Variants in SLC10A7 observed in about 807,000 individuals in gnomAD.
SLC10A7 encodes solute carrier family 10 member 7, also known as sodium/bile acid cotransporter 7.
SLC10A7 carries 29 observed loss-of-function variants against 43.2 expected under a neutral mutation model. That is an observed-to-expected ratio of 0.67 (90% CI 0.50 to 0.92). SLC10A7 has a LOEUF of 0.92. Among genes scored for constraint, SLC10A7 ranks in the 40% least tolerant of loss-of-function variants. The probability of loss-of-function intolerance (pLI) is 0.00; values close to 1 mark genes in which losing one functional copy is unlikely to be tolerated. For missense variants in SLC10A7, 295 were observed against 403.2 expected, an observed-to-expected ratio of 0.73 and a Z score of 2.30; for synonymous variants, 152 against 144.8, an observed-to-expected ratio of 1.05 and a Z score of -0.35.
intron 5 of SLC10A7, among the ~76,000 whole-genome samples, chr4:146,346,097 T>A (rs1292924998): frequency 6.6e-6 from 1 of 152,140 alleles, no homozygotes; most frequent in Non-Finnish European, 1.5e-5. Flanking sequence ...TGAAAAAGCA[T>A]TTATGGGCCC....
chr4:146,447,728 T>C (rs1731229288), intron 4 of SLC10A7, among the ~76,000 whole-genome samples: 1 of 152,040 alleles, frequency 6.6e-6, no homozygotes, highest in African/African-American at 2.4e-5. Context: ...ACTTCCTTTA[T>C]ATTACACATT....
chr4:146,482,390 T>C (rs908952102), intron 4 of SLC10A7, among the ~76,000 whole-genome samples: 8 of 152,132 alleles, frequency 5.3e-5, no homozygotes, highest in Non-Finnish European at 1.0e-4. Context: ...TAATTCATGA[T>C]CTGAATAACA....
At chr4:146,349,027 A>C (rs946020852) in intron 5 of SLC10A7, among the ~76,000 whole-genome samples, 2 of 152,222 alleles carry the variant, frequency 1.3e-5, no homozygotes, top group African/African-American at 2.4e-5. Flanking sequence ...CTGATCATTC[A>C]CTGAGAGTGT....
chr4:146,406,519 T>C (rs1194680431), intron 5 of SLC10A7, among the ~76,000 whole-genome samples: 3 of 152,138 alleles, frequency 2.0e-5, no homozygotes, highest in Non-Finnish European at 4.4e-5. Flanking sequence ...CCTTGCCATG[T>C]CCTGAAAGCT....
chr4:146,492,108 T>C (rs1373980850), intron 4 of SLC10A7, among the ~76,000 whole-genome samples: 1 of 151,494 alleles, frequency 6.6e-6, no homozygotes, highest in Non-Finnish European at 1.5e-5. Context: ...TAGTCCCAGC[T>C]ACTTGGGAGG....
At chr4:146,518,285 A>G (rs773990718) in intron 1 of SLC10A7, among the ~76,000 whole-genome samples, 9 of 152,214 alleles carry the variant, frequency 5.9e-5, no homozygotes, top group Non-Finnish European at 1.3e-4. Flanking sequence ...CTTACCCTCC[A>G]TGGACATTTG....
intron 9 of SLC10A7, among the ~76,000 whole-genome samples, chr4:146,286,270 C>T (rs1729931242): frequency 1.2e-5 from 1 of 80,648 alleles, no homozygotes; most frequent in East Asian, 3.7e-4. Context: ...GTGAGAAGGA[C>T]CGTGTTTGGA....
chr4:146,402,150 C>CT (rs1287827818), intron 5 of SLC10A7, among the ~76,000 whole-genome samples: 1 of 151,850 alleles, frequency 6.6e-6, no homozygotes, highest in Non-Finnish European at 1.5e-5. Flanking sequence ...ATTTTAGGCT[C>CT]TTTCAGTGGA....
chr4:146,332,933 A>C (rs1733634732), intron 5 of SLC10A7, among the ~76,000 whole-genome samples: 1 of 152,142 alleles, frequency 6.6e-6, no homozygotes, highest in African/African-American at 2.4e-5. Context: ...CCATTAAAGC[A>C]ATGTCACTCA....
intron 5 of SLC10A7, among the ~76,000 whole-genome samples, chr4:146,357,914 G>C (rs1007224814): frequency 6.6e-6 from 1 of 151,980 alleles, no homozygotes; most frequent in African/African-American, 2.4e-5. Flanking sequence ...AAAGAGAAAA[G>C]GACTTGAGTC....
At chr4:146,337,136 G>A (rs1223223394) in intron 5 of SLC10A7, among the ~76,000 whole-genome samples, 2 of 151,978 alleles carry the variant, frequency 1.3e-5, no homozygotes. Flanking sequence ...CTAAGTTTTA[G>A]ATTTAACAGG....
chr4:146,452,741 A>G (rs774686940), intron 4 of SLC10A7, among the ~76,000 whole-genome samples: 15 of 152,112 alleles, frequency 9.9e-5, no homozygotes, highest in Admixed American at 2.0e-4. Flanking sequence ...CAAAATGCGG[A>G]TTTATACACT....
At chr4:146,477,807 C>T (rs1474924039) in intron 4 of SLC10A7, 1 of 152,120 alleles carries the variant, frequency 6.6e-6, no homozygotes, top group Non-Finnish European at 1.5e-5. Context: ...TTAAGAATAG[C>T]TTTTTGTACA....
intron 4 of SLC10A7, among the ~76,000 whole-genome samples, chr4:146,457,815 C>G (rs1373514940): frequency 2.0e-5 from 3 of 151,840 alleles, no homozygotes; most frequent in African/African-American, 7.2e-5. Flanking sequence ...TTTCTATTAC[C>G]TATCAAAGAC....
chr4:146,515,968 C>G (rs1157302668), intron 2 of SLC10A7, among the ~76,000 whole-genome samples: 1 of 143,608 alleles, frequency 7.0e-6, no homozygotes, highest in Non-Finnish European at 1.5e-5. Context: ...CCGATGGCTA[C>G]AGAATACATA....
intron 5 of SLC10A7, among the ~76,000 whole-genome samples, chr4:146,337,191 C>T (rs938134226): frequency 5.3e-5 from 8 of 151,938 alleles, no homozygotes; most frequent in Non-Finnish European, 8.8e-5. Flanking sequence ...TGCTTATTTG[C>T]AGAGTATATA....
chr4:146,499,552 C>A (rs752689624), intron 4 of SLC10A7, among the ~76,000 whole-genome samples: 17 of 152,220 alleles, frequency 1.1e-4, no homozygotes, highest in Admixed American at 3.3e-4. Flanking sequence ...TTTTCTACTA[C>A]CTTTTCTTGC....
chr4:146,397,225 A>G (rs2679134), intron 5 of SLC10A7, among the ~76,000 whole-genome samples: 1,765 of 152,240 alleles, frequency 0.012, 28 homozygotes, highest in African/African-American at 0.04. Context: ...GTTAAGACCG[A>G]TGTAAGAACT....
intron 7 of SLC10A7, among the ~76,000 whole-genome samples, chr4:146,299,563 G>A (rs1731016550): frequency 6.6e-6 from 1 of 152,124 alleles, no homozygotes; most frequent in Non-Finnish European, 1.5e-5. Flanking sequence ...CAGGCAGAAG[G>A]AACGGCCAGT....
Sources: gnomAD v4.1 joint callset for allele counts (sites outside exome capture counted in the v4.1 genomes callset) on GRCh38, gnomAD v4.1.1 for gene constraint, MANE v1.5 for transcripts, NCBI Gene and HGNC (gene_info 2026-07-23, HGNC 2026-07-21) for gene names.